Variants in NR2F1-AS1 observed in about 807,000 individuals in gnomAD.
NR2F1-AS1 encodes NR2F1 antisense RNA 1.
intron 2 of NR2F1-AS1, among the ~76,000 whole-genome samples, chr5:93,555,449 T>A (rs1752333449): frequency 6.6e-6 from 1 of 152,198 alleles, no homozygotes. Context: ...GAATTTCAAG[T>A]AGCTTTTTGG....
chr5:93,558,719 A>G (rs1468343947), intron 2 of NR2F1-AS1, among the ~76,000 whole-genome samples: 1 of 152,234 alleles, frequency 6.6e-6, no homozygotes, highest in East Asian at 1.9e-4. Context: ...CATGAAAACA[A>G]TATTAATCTC....
At chr5:93,547,942 G>T (rs1038752425) in intron 4 of NR2F1-AS1, among the ~76,000 whole-genome samples, 2 of 152,120 alleles carry the variant, frequency 1.3e-5, no homozygotes, top group Non-Finnish European at 2.9e-5. Context: ...AAATGTTATT[G>T]TCTTGCACAT....
upstream of NR2F1-AS1, chr5:93,581,261 C>G (rs1054553011): frequency 6.6e-6 from 1 of 152,558 alleles, no homozygotes; most frequent in African/African-American, 2.4e-5. Context: ...GGCGGGCGAG[C>G]GCGGCTCCCA....
intron 1 of NR2F1-AS1, among the ~76,000 whole-genome samples, chr5:93,578,157 C>T (rs1205282278): frequency 1.3e-5 from 2 of 152,134 alleles, no homozygotes; most frequent in African/African-American, 2.4e-5. Context: ...CGCTTAGATC[C>T]GGATTCTGGG....
chr5:93,465,601 T>C (rs1178527887), intron 4 of NR2F1-AS1, among the ~76,000 whole-genome samples: 1 of 152,226 alleles, frequency 6.6e-6, no homozygotes, highest in African/African-American at 2.4e-5. Context: ...TTATAAATCA[T>C]GCTGCTATAA....
intron 4 of NR2F1-AS1, among the ~76,000 whole-genome samples, chr5:93,531,195 A>G (rs1241944878): frequency 6.6e-6 from 1 of 152,218 alleles, no homozygotes; most frequent in Non-Finnish European, 1.5e-5. Context: ...AAATAATGGC[A>G]AATGATTGCC....
Position 93,571,712 on chromosome 5 carries a change from G to A in NR2F1-AS1, n.314-8249C>T, listed in dbSNP as rs1041079298. On this transcript the variant is annotated intron_variant and non_coding_transcript_variant, in intron 1 of 5. Transcript: ENST00000660523. ...TAAGATATAGACGGTGATTGGAGTC[G>A]TTTCTCTTTTTGCTTCCAGAGGGAG... is the stretch of plus-strand genomic sequence containing the variant. Among the ~76,000 whole-genome samples the A allele has an allele frequency of 2.1e-4, 32 of 152,010 alleles. 1 individual carries two copies. Among genetic ancestry groups the A allele is most frequent in the Non-Finnish European group, 4.4e-5 (3 of 67,992 alleles).
intron 1 of NR2F1-AS1, among the ~76,000 whole-genome samples, chr5:93,575,914 A>G (rs565179194): frequency 9.8e-5 from 15 of 152,332 alleles, no homozygotes; most frequent in South Asian, 6.2e-4. Flanking sequence ...ATTGACATAT[A>G]TATCCATGAA....
At chr5:93,514,990 T>C (rs1751372307) in intron 4 of NR2F1-AS1, among the ~76,000 whole-genome samples, 1 of 151,946 alleles carries the variant, frequency 6.6e-6, no homozygotes, top group South Asian at 2.1e-4. Context: ...AGAAATAATA[T>C]AAATTTTTAA....
intron 4 of NR2F1-AS1, among the ~76,000 whole-genome samples, chr5:93,464,505 T>G (rs1750181960): frequency 6.6e-6 from 1 of 152,212 alleles, no homozygotes; most frequent in Non-Finnish European, 1.5e-5. Context: ...TTAAATTTGA[T>G]TAAGAGTTTT....
At chr5:93,581,227 T>C (rs1271467927), upstream of NR2F1-AS1, 1 of 152,398 alleles carries the variant, frequency 6.6e-6, no homozygotes, top group Non-Finnish European at 1.5e-5. Context: ...GACAAACTTT[T>C]ACGCCCTCGC....
chr5:93,431,548 A>T (rs1749325219), intron 4 of NR2F1-AS1, among the ~76,000 whole-genome samples: 1 of 152,190 alleles, frequency 6.6e-6, no homozygotes, highest in Non-Finnish European at 1.5e-5. Context: ...CTTTAAGTAG[A>T]CACCAGGCAG....
chr5:93,478,754 A>G (rs1022708448), intron 4 of NR2F1-AS1, among the ~76,000 whole-genome samples: 2 of 152,216 alleles, frequency 1.3e-5, no homozygotes, highest in East Asian at 3.8e-4. Context: ...TGTAGCATTC[A>G]TCTGAAGGTT....
chr5:93,508,109 G>A (rs1195298385), intron 4 of NR2F1-AS1, among the ~76,000 whole-genome samples: 1 of 152,148 alleles, frequency 6.6e-6, no homozygotes, highest in Non-Finnish European at 1.5e-5. Context: ...AACAGAACTT[G>A]ACAATGTGAC....
intron 4 of NR2F1-AS1, among the ~76,000 whole-genome samples, chr5:93,539,733 T>TTAATGTTTGTAATAGAG (rs1751911683): frequency 6.6e-6 from 1 of 152,138 alleles, no homozygotes; most frequent in Non-Finnish European, 1.5e-5. Flanking sequence ...AGGTATTCTC[T>TTAATGTTTGTAATAGAG]ATTACAAACA....
intron 4 of NR2F1-AS1, among the ~76,000 whole-genome samples, chr5:93,535,224 C>T (rs1179877489): frequency 6.6e-6 from 1 of 150,938 alleles, no homozygotes; most frequent in Non-Finnish European, 1.5e-5. Context: ...TTGGTCATGT[C>T]TGTGGCATAA....
rs566936827 is a variant in NR2F1-AS1, at chr5:93,506,646, T to C, written n.638+47115A>G. On this transcript the variant is annotated intron_variant and non_coding_transcript_variant, in intron 4 of 5. Transcript: ENST00000660523. Reference sequence around the variant, plus strand: ...GCCCATCATATTTCGTGAGACTTAGTCTCGTGATAAACCCATCATATTTCG... The same window carrying C: ...GCCCATCATATTTCGTGAGACTTAGCCTCGTGATAAACCCATCATATTTCG... Among the ~76,000 whole-genome samples, 3 of 152,198 alleles carry C rather than the reference T, an allele frequency of 2.0e-5. No homozygotes were observed. The East Asian group carries it at 5.8e-4, about 29-fold the overall frequency.
intron 4 of NR2F1-AS1, among the ~76,000 whole-genome samples, chr5:93,473,416 T>C (rs1750411109): frequency 6.6e-6 from 1 of 151,776 alleles, no homozygotes; most frequent in African/African-American, 2.4e-5. Context: ...AGTATTGTCA[T>C]CCCAAGGGAA....
At chr5:93,531,400 C>G (rs1261751648) in intron 4 of NR2F1-AS1, among the ~76,000 whole-genome samples, 1 of 152,188 alleles carries the variant, frequency 6.6e-6, no homozygotes, top group East Asian at 1.9e-4. Context: ...CTATGCGTAT[C>G]CTCATTAGTA....
Sources: gnomAD v4.1 joint callset for allele counts (sites outside exome capture counted in the v4.1 genomes callset) on GRCh38, gnomAD v4.1.1 for gene constraint, MANE v1.5 for transcripts, NCBI Gene and HGNC (gene_info 2026-07-23, HGNC 2026-07-21) for gene names.